The following MARCHF4 variants were observed in gnomAD, a reference collection of about 807,000 sequenced individuals.
MARCHF4 encodes E3 ubiquitin-protein ligase MARCHF4.
Under a neutral mutation model 43.9 loss-of-function variants are expected in MARCHF4, and 14 were observed. The observed-to-expected ratio is 0.32, with a 90% CI of 0.21 to 0.50. The LOEUF (loss-of-function observed/expected upper bound fraction) is 0.50, where lower values mean the gene tolerates loss of function less well. MARCHF4 is among the 20% of genes least tolerant of loss of function. The probability of loss-of-function intolerance (pLI) is 0.98; values close to 1 mark genes in which losing one functional copy is unlikely to be tolerated. For synonymous variants in MARCHF4, 226 were observed against 213.3 expected (o/e 1.06, Z -0.52); for missense variants, 468 against 536.7 (o/e 0.87, Z 1.27).
At chr2:216,336,741 T>TAAAAAAAAA (rs779932039) in intron 1 of MARCHF4, among the ~76,000 whole-genome samples, 4 of 54,132 alleles carry the variant, frequency 7.4e-5, no homozygotes, top group Non-Finnish European at 1.3e-4. Flanking sequence ...GCAAATAGAT[T>TAAAAAAAAA]TAAAAAAAAA....
chr2:216,299,201 G>A (rs908874406), intron 1 of MARCHF4, among the ~76,000 whole-genome samples: 6 of 152,086 alleles, frequency 3.9e-5, no homozygotes, highest in African/African-American at 1.4e-4. Flanking sequence ...GAAATGAGCA[G>A]CAGTGCAACT....
intron 1 of MARCHF4, among the ~76,000 whole-genome samples, chr2:216,301,996 G>A (rs995649183): frequency 3.3e-5 from 5 of 152,162 alleles, no homozygotes; most frequent in African/African-American, 9.7e-5. Flanking sequence ...TGTCAACCTA[G>A]TGGTATAGTA....
intron 1 of MARCHF4, among the ~76,000 whole-genome samples, chr2:216,334,248 T>A (rs896650389): frequency 6.6e-6 from 1 of 152,096 alleles, no homozygotes; most frequent in Non-Finnish European, 1.5e-5. Context: ...GATTTGAAGA[T>A]GGAGGAAGAA....
intron 1 of MARCHF4, among the ~76,000 whole-genome samples, chr2:216,323,245 GCC>G (rs1691934354): frequency 6.6e-6 from 1 of 152,068 alleles, no homozygotes; most frequent in African/African-American, 2.4e-5. Flanking sequence ...AAGAATCTGG[GCC>G]CTGGAGTCCT....
chr2:216,263,726 C>T (rs902951762), intron 3 of MARCHF4, among the ~76,000 whole-genome samples: 3 of 152,138 alleles, frequency 2.0e-5, no homozygotes, highest in African/African-American at 7.2e-5. Flanking sequence ...GGGGAAAGAA[C>T]AGCCGCCACC....
intron 3 of MARCHF4, among the ~76,000 whole-genome samples, chr2:216,260,146 G>A (rs1035226537): frequency 5.9e-5 from 9 of 152,214 alleles, no homozygotes; most frequent in African/African-American, 2.2e-4. Context: ...GGATACCCCA[G>A]TACTACTGAG....
chr2:216,274,095 C>A (rs1363184135), intron 3 of MARCHF4, among the ~76,000 whole-genome samples: 1 of 152,212 alleles, frequency 6.6e-6, no homozygotes, highest in African/African-American at 2.4e-5. Context: ...TTGGGCTTCC[C>A]CGAGCACAGT....
intron 1 of MARCHF4, among the ~76,000 whole-genome samples, chr2:216,324,311 T>C (rs1691952573): frequency 6.9e-6 from 1 of 145,776 alleles, no homozygotes; most frequent in Admixed American, 6.9e-5. Flanking sequence ...GCTGAAATTG[T>C]GGCAATAATC....
chr2:216,337,958 G>T (rs1358055633), intron 1 of MARCHF4, among the ~76,000 whole-genome samples: 2 of 152,138 alleles, frequency 1.3e-5, no homozygotes, highest in Non-Finnish European at 2.9e-5. Context: ...GATCAGAAAT[G>T]GCACTGCAAT....
In MARCHF4 at chr2:216,355,976, T is replaced by C. The variant is rs115369751; in HGVS notation, c.516+13769A>G. Among the ~76,000 whole-genome samples the C allele has an allele frequency of 3.6e-3, 547 of 152,344 alleles. 8 individuals are homozygous for C. Among genetic ancestry groups the C allele is most frequent in the African/African-American group, 0.013 (526 of 41,578 alleles). ...CTGCCTACACTCATTCACCTGCCGCTGGCTGGTTTTGGCACTTGTTTTCCA... is the reference window on the plus strand; with the variant it reads ...CTGCCTACACTCATTCACCTGCCGCCGGCTGGTTTTGGCACTTGTTTTCCA... On this transcript the variant is annotated intron_variant, in intron 1 of 3. Coordinates refer to ENST00000273067, the MANE Select transcript of MARCHF4 (RefSeq NM_020814.3).
intron 1 of MARCHF4, among the ~76,000 whole-genome samples, chr2:216,366,480 A>G (rs1445534629): frequency 6.6e-6 from 1 of 152,204 alleles, no homozygotes; most frequent in African/African-American, 2.4e-5. Context: ...GTAGGTTCTC[A>G]AAGCAAGTGT....
rs568273581 is a variant in MARCHF4, at chr2:216,322,113, C to G, written c.517-38384G>C. On this transcript the variant is annotated intron_variant, in intron 1 of 3. Transcript: ENST00000273067. ...TAAGGGGATGTGTGTGTGTGTGTGT[C>G]CTGGTAAATAACTGAATTGCCAAAG... is the stretch of plus-strand genomic sequence containing the variant. 2.0e-5 allele frequency among the ~76,000 whole-genome samples: 3 copies of G among 152,118 alleles called. No homozygotes were observed. The South Asian group carries it at 6.2e-4, about 32-fold the overall frequency.
chr2:216,276,071 G>T (rs1362216687), intron 3 of MARCHF4, among the ~76,000 whole-genome samples: 2 of 152,204 alleles, frequency 1.3e-5, no homozygotes, highest in Non-Finnish European at 2.9e-5. Flanking sequence ...AAGGCACTGC[G>T]ATCTGTGGAA....
At chr2:216,278,415 C>T (rs1210620169) in intron 2 of MARCHF4, among the ~76,000 whole-genome samples, 2 of 152,072 alleles carry the variant, frequency 1.3e-5, no homozygotes, top group East Asian at 3.9e-4. Context: ...TTAGTAGAGA[C>T]AGGGTTTCAC....
Position 216,371,576 on chromosome 2 carries a change from C to G in MARCHF4, c.-1316G>C, listed in dbSNP as rs1692768550. On this transcript the variant is annotated 5_prime_UTR_variant, in exon 1 of 4. Transcript: ENST00000273067. ...CCTCTGGCTGCTGCCCGCCGTCCGGCGCGGTCGCGACTCCGGCCTTCATGA... is the reference window on the plus strand; with the variant it reads ...CCTCTGGCTGCTGCCCGCCGTCCGGGGCGGTCGCGACTCCGGCCTTCATGA... 1 of 152,354 alleles carries G rather than the reference C, an allele frequency of 6.6e-6. No homozygotes were observed. The highest frequency in any genetic ancestry group is 2.4e-5 in the African/African-American group (1 of 41,440). 9.4% of individuals were successfully genotyped at this position (152,354 alleles called of 1,614,324 possible). A position where few individuals can be genotyped will look rare whatever the true frequency, so the allele number is the denominator to read the frequency against.
chr2:216,340,904 T>C (rs1327364959), intron 1 of MARCHF4, among the ~76,000 whole-genome samples: 1 of 152,182 alleles, frequency 6.6e-6, no homozygotes, highest in East Asian at 1.9e-4. Flanking sequence ...TGAGGCACCT[T>C]GTCCAAGGTC....
chr2:216,299,684 A>G (rs1691456392), intron 1 of MARCHF4, among the ~76,000 whole-genome samples: 1 of 152,248 alleles, frequency 6.6e-6, no homozygotes, highest in African/African-American at 2.4e-5. Context: ...ATCAGTTAAC[A>G]CCAGCTGCTG....
intron 1 of MARCHF4, among the ~76,000 whole-genome samples, chr2:216,308,472 A>G (rs753625158): frequency 1.3e-5 from 2 of 152,176 alleles, no homozygotes; most frequent in African/African-American, 2.4e-5. Context: ...ACTCCCTAGA[A>G]TCTGTTTCCT....
chr2:216,332,510 G>A (rs1443023594), intron 1 of MARCHF4, among the ~76,000 whole-genome samples: 3 of 151,416 alleles, frequency 2.0e-5, no homozygotes, highest in South Asian at 4.2e-4. Context: ...CTCTGTATAC[G>A]TGCCAGTGCA....
Sources: allele counts gnomAD v4.1 joint callset (sites outside exome capture counted in the v4.1 genomes callset), GRCh38; gene constraint gnomAD v4.1.1; transcripts MANE v1.5; gene names NCBI Gene and HGNC (gene_info 2026-07-23, HGNC 2026-07-21).